The following PLEKHA1 variants were observed in gnomAD, a reference collection of about 807,000 sequenced individuals.
PLEKHA1 encodes the protein pleckstrin homology domain-containing family A member 1.
In PLEKHA1, 34 loss-of-function variants were observed where a neutral mutation model predicts 52.0. The ratio of observed to expected loss-of-function variants is 0.65; its 90% confidence interval spans 0.50 to 0.87. PLEKHA1 has a LOEUF of 0.87. Among genes scored for constraint, PLEKHA1 ranks in the 40% least tolerant of loss-of-function variants. The pLI is 0.00. For synonymous variants in PLEKHA1, 163 were observed against 170.7 expected (o/e 0.95, Z 0.35); for missense variants, 497 against 504.2 (o/e 0.99, Z 0.14).
intron 1 of PLEKHA1, among the ~76,000 whole-genome samples, chr10:122,376,452 C>T (rs1192850860): frequency 6.7e-6 from 1 of 149,952 alleles, no homozygotes; most frequent in East Asian, 2.0e-4. Flanking sequence ...TCTCTTGTAG[C>T]GTATACCTGT....
intron 4 of PLEKHA1, 106 bp downstream of exon 4, chr10:122,400,494 T>A: frequency 9.9e-7 from 1 of 1,013,946 alleles, no homozygotes; most frequent in Non-Finnish European, 1.4e-6. Flanking sequence ...CTTAATGAAT[T>A]ATTCTAAAGT....
At position 122,376,472 on chromosome 10, in the gene PLEKHA1, T is replaced by C. The variant is rs979057832; in HGVS notation, c.-21+1666T>C. The stretch of plus-strand genomic sequence containing the variant: ...TGTAGCGTATACCTGTATCAAGATA[T>C]ATGGCTGTGAATTTAGTGACATTAA... On this transcript the variant is annotated intron_variant, in intron 1 of 11. Transcript: ENST00000368990. Among the ~76,000 whole-genome samples the C allele has an allele frequency of 1.1e-4, 16 of 150,074 alleles. No homozygotes were observed. In the South Asian group the frequency reaches 3.1e-3, roughly 29 times the overall value.
the PLEKHA1 span, chr10:122,439,880 C>CT: frequency 6.6e-6 from 1 of 152,268 alleles, no homozygotes; most frequent in Middle Eastern, 3.4e-3. Context: ...TATGCTTAGG[C>CT]TTTCTATCTT....
rs1225864966 is a variant in PLEKHA1 at position 122,413,008 on chromosome 10, A to G, written c.431A>G (p.Asp144Gly). The G allele has an allele frequency of 1.2e-6, 2 of 1,613,378 alleles. No individual in the cohort carries two copies. The highest frequency in any genetic ancestry group is 1.7e-6 in the Non-Finnish European group (2 of 1,179,606). Residue 144 changes from aspartate to glycine, a missense_variant, in exon 6 of 12, where the codon GAT becomes GGT. Transcript: ENST00000368990. ...CGKKQVSYRT[D>G]IVGGVPIITP... ...AAAAAGCAAGTGTCTTACAGAACTG[A>G]TATTGTTGGTGGCGTACCCATCATT...
At chr10:122,433,003 C>T (rs191750330), downstream of PLEKHA1, 1 of 152,124 alleles carries the variant, frequency 6.6e-6, no homozygotes, top group Non-Finnish European at 1.5e-5. Flanking sequence ...ATATTCTTTC[C>T]TTAAAGCAAC....
At chr10:122,438,732 C>CA in the PLEKHA1 span, 1 of 152,136 alleles carries the variant, frequency 6.6e-6, no homozygotes, top group Admixed American at 6.5e-5. Flanking sequence ...TCATTTTTGT[C>CA]ACGCTCCTGA....
the PLEKHA1 span, chr10:122,440,952 A>G: frequency 2.0e-5 from 3 of 152,148 alleles, no homozygotes; most frequent in Non-Finnish European, 2.9e-5. Context: ...GGTGCTAACA[A>G]TTACCTCATG....
At chr10:122,384,058 T>G (rs1590253670) in intron 1 of PLEKHA1, among the ~76,000 whole-genome samples, 1 of 152,176 alleles carries the variant, frequency 6.6e-6, no homozygotes, top group Admixed American at 6.5e-5. Flanking sequence ...CTCGGTATGG[T>G]TTTTTTGTAT....
At chr10:122,408,812 A>G (rs1012622701) in intron 5 of PLEKHA1, among the ~76,000 whole-genome samples, 8 of 152,180 alleles carry the variant, frequency 5.3e-5, no homozygotes, top group East Asian at 1.9e-4. Flanking sequence ...AACATTGCTG[A>G]TGATTTACAT....
At chr10:122,440,435 C>T in the PLEKHA1 span, 2 of 152,216 alleles carry the variant, frequency 1.3e-5, no homozygotes, top group African/African-American at 2.4e-5. Flanking sequence ...ATTATTTGTG[C>T]TGTTTCTTCT....
chr10:122,375,192 C>T (rs1451374654), intron 1 of PLEKHA1, among the ~76,000 whole-genome samples: 1 of 152,026 alleles, frequency 6.6e-6, no homozygotes, highest in Non-Finnish European at 1.5e-5. Flanking sequence ...GCGTCTCCGC[C>T]CCCCGAGAAA....
rs75560164 is a variant in PLEKHA1 at position 122,393,420 on chromosome 10, G to A, written c.141+79G>A. 2.2e-6 allele frequency: 3 copies of A among 1,377,260 alleles called. No homozygotes were observed. The highest frequency in any genetic ancestry group is 5.5e-5 in the Admixed American group (2 of 36,226). 85.3% of individuals were successfully genotyped at this position (1,377,260 alleles called of 1,614,324 possible). On this transcript the variant is annotated intron_variant, in intron 2 of 11. Transcript: ENST00000368990. The surrounding 1 kb of genome is among the most constrained non-coding windows in gnomAD (Gnocchi z 4.5). ...TATTTAACATACTATACAGGCTTTA[G>A]ATTTGTCTTCTTAAGCAGTATATTT...
downstream of PLEKHA1, chr10:122,435,674 G>A (rs1351864417): frequency 6.6e-6 from 1 of 152,096 alleles, no homozygotes; most frequent in East Asian, 1.9e-4. Flanking sequence ...GGTCCTATTT[G>A]GAAAGAGCTT....
At chr10:122,405,737 G>A (rs2097001117) in intron 4 of PLEKHA1, among the ~76,000 whole-genome samples, 1 of 152,066 alleles carries the variant, frequency 6.6e-6, no homozygotes, top group African/African-American at 2.4e-5. Flanking sequence ...AAAAGAGAAG[G>A]GGTAGTAGTA....
At chr10:122,426,734 C>T (rs1327197868) in intron 10 of PLEKHA1, among the ~76,000 whole-genome samples, 1 of 152,132 alleles carries the variant, frequency 6.6e-6, no homozygotes, top group African/African-American at 2.4e-5. Context: ...CTGATCTTGA[C>T]ATTGAAGTGC....
intron 4 of PLEKHA1, among the ~76,000 whole-genome samples, chr10:122,401,771 G>T (rs994056200): frequency 1.3e-5 from 2 of 152,164 alleles, no homozygotes; most frequent in African/African-American, 4.8e-5. Flanking sequence ...GTGACTGAAG[G>T]AACGAATATT....
At chr10:122,378,900 T>C (rs1260320431) in intron 1 of PLEKHA1, among the ~76,000 whole-genome samples, 1 of 152,136 alleles carries the variant, frequency 6.6e-6, no homozygotes, top group Non-Finnish European at 1.5e-5. Flanking sequence ...GGACGGCTTG[T>C]GGTAAGCTCC....
chr10:122,419,618 T>G (rs1179853878), intron 8 of PLEKHA1: 1 of 152,214 alleles, frequency 6.6e-6, no homozygotes, highest in Non-Finnish European at 1.5e-5. Flanking sequence ...AGCAAAGTTC[T>G]CTGGCCTTCA....
intron 6 of PLEKHA1, among the ~76,000 whole-genome samples, chr10:122,413,513 A>C (rs1357287352): frequency 1.3e-5 from 2 of 152,154 alleles, no homozygotes; most frequent in Non-Finnish European, 2.9e-5. Context: ...AAATTCCTAG[A>C]AATAAAATTG....
Sources: gnomAD v4.1 joint callset for allele counts (sites outside exome capture counted in the v4.1 genomes callset) on GRCh38, gnomAD v4.1.1 for gene constraint, Gnocchi (gnomAD v3.1) non-coding constraint, MANE v1.5 for transcripts, NCBI Gene and HGNC (gene_info 2026-07-23, HGNC 2026-07-21) for gene names.